Variants in IVD observed in about 807,000 individuals in gnomAD.
IVD encodes isovaleryl-CoA dehydrogenase, mitochondrial.
In IVD, 31 loss-of-function variants were observed where a neutral mutation model predicts 51.3. That is an observed-to-expected ratio of 0.60 (90% CI 0.45 to 0.81). The LOEUF (loss-of-function observed/expected upper bound fraction) is 0.81. Ranked by LOEUF, IVD falls within the 40% of genes least tolerant of loss-of-function variation. IVD has a pLI of 0.00. For missense variants in IVD, 475 were observed against 552.0 expected, an observed-to-expected ratio of 0.86 and a Z score of 1.40; for synonymous variants, 205 against 219.4, an observed-to-expected ratio of 0.93 and a Z score of 0.58.
At chr15:40,434,582 TGAG>T (rs1275996060) in intron 8 of IVD, among the ~76,000 whole-genome samples, 3 of 152,020 alleles carry the variant, frequency 2.0e-5, no homozygotes, top group Admixed American at 2.0e-4. Context: ...CAGGAATGTG[TGAG>T]GAGGAGACAA....
In IVD at chr15:40,418,312, G is replaced by A; in HGVS notation, c.*49G>A. On this transcript the variant is annotated 3_prime_UTR_variant, in exon 12 of 12. Transcript: ENST00000487418. The stretch of plus-strand genomic sequence containing the variant: ...TCCTGCACCTAGTGGCCTTTCTTGG[G>A]AAGTAGAGATGTGGCGGCTTTCCCA... 6.2e-7 allele frequency: 1 copy of A among 1,611,542 alleles called. No individual in the cohort carries two copies. The highest frequency in any genetic ancestry group is 1.8e-4 in the Middle Eastern group (1 of 5,676).
At chr15:40,409,669 T>C (rs959780152) in intron 3 of IVD, among the ~76,000 whole-genome samples, 2 of 152,082 alleles carry the variant, frequency 1.3e-5, no homozygotes, top group African/African-American at 4.8e-5. Flanking sequence ...GTATCAGGTG[T>C]CTCAGCCACT....
chr15:40,424,375 TG>T, downstream of IVD: 1 of 322,354 alleles, frequency 3.1e-6, no homozygotes, highest in Non-Finnish European at 5.8e-6. Context: ...GGGGCAGCTC[TG>T]GAAGTCCTTC....
rs779445174 is a variant in IVD at position 40,410,614 on chromosome 15, C to T, written c.287-14C>T. On this transcript the variant is annotated splice_polypyrimidine_tract_variant and intron_variant, in intron 3 of 11. Coordinates refer to ENST00000487418, the MANE Select transcript of IVD (RefSeq NM_002225.5). ...GGCTGCGTTTTCCACTCCCTTGTAC[C>T]ACACCACTCACAGTTCAGTATGGCG... The T allele has an allele frequency of 6.2e-7, 1 of 1,614,112 alleles. No individual in the cohort carries two copies. Among genetic ancestry groups the T allele is most frequent in the African/African-American group, 1.3e-5 (1 of 75,044 alleles).
chr15:40,423,493 G>A (rs192553247), downstream of IVD, among the ~76,000 whole-genome samples: 12 of 152,194 alleles, frequency 7.9e-5, no homozygotes, highest in African/African-American at 2.9e-4. Flanking sequence ...GGAATCTTGC[G>A]CTCTCTCGCC....
At position 40,412,896 on chromosome 15, in the gene IVD, T is replaced by C. The variant is rs1441086343; in HGVS notation, c.688-95T>C. On this transcript the variant is annotated intron_variant, in intron 6 of 11. Transcript: ENST00000487418. ...ATGCTGTGCAGGTACAGGGACTCAA[T>C]AGGAAGGTGAGTGCCTTCTTCCCAG... 42 of 925,000 alleles carry C rather than the reference T, an allele frequency of 4.5e-5. No homozygotes were observed. In the South Asian group the frequency reaches 5.5e-4, roughly 12 times the overall value. 57.3% of individuals were successfully genotyped at this position (925,000 alleles called of 1,614,324 possible). A position where few individuals can be genotyped will look rare whatever the true frequency, so the allele number is the denominator to read the frequency against.
chr15:40,424,104 A>C (rs1454397223), downstream of IVD: 8 of 1,242,154 alleles, frequency 6.4e-6, no homozygotes, highest in Admixed American at 1.9e-4. Context: ...CTGGATCTTA[A>C]CATCCTGCCA....
rs748577522 is a variant in IVD, at chr15:40,411,243, G to C, written c.457-17G>C. 1 of 1,613,056 alleles carries C rather than the reference G, an allele frequency of 6.2e-7. No homozygotes were observed. Among genetic ancestry groups the C allele is most frequent in the Non-Finnish European group, 8.5e-7 (1 of 1,179,026 alleles). ...CTCTGAGGTTGTAACAAGGCCTGTT[G>C]GGGGTTTTCCTTGCAGCTGATCAGT... On this transcript the variant is annotated splice_polypyrimidine_tract_variant and intron_variant, in intron 4 of 11. Coordinates refer to ENST00000487418, the MANE Select transcript of IVD (RefSeq NM_002225.5).
In IVD at chr15:40,411,362, A is replaced by G. The variant is rs1257442086; in HGVS notation, c.550+9A>G. The G allele has an allele frequency of 6.2e-7, 1 of 1,613,962 alleles. No homozygotes were observed. Among genetic ancestry groups the G allele is most frequent in the Admixed American group, 1.7e-5 (1 of 60,024 alleles). On this transcript the variant is annotated intron_variant, in intron 5 of 11. Transcript: ENST00000487418. The stretch of plus-strand genomic sequence containing the variant: ...CAAAGCGGAAAAGAAAGGTGAGGCC[A>G]CTCTCAACTTGGGAGCCAAAATGGG...
Position 40,420,535 on chromosome 15 carries a change from T to TC in IVD, c.*2274dup. 1.2e-5 allele frequency: 12 copies of TC among 987,590 alleles called. No individual in the cohort carries two copies. The highest frequency in any genetic ancestry group is 1.4e-5 in the Non-Finnish European group (12 of 830,120). The allele number at this position is 987,590 out of a possible 1,614,324, so 61.2% of individuals were successfully genotyped here. ...GGAGAGTGGCTGGCCCAGGTCCTAT[T>TC]CCTGTCCTCCAGCCCGTTCTTTCAT... On this transcript the variant is annotated 3_prime_UTR_variant, in exon 12 of 12. Coordinates refer to ENST00000487418, the MANE Select transcript of IVD (RefSeq NM_002225.5).
chr15:40,407,613 T>C (rs1182654271), intron 1 of IVD, 23 bp from the exon 2 acceptor site: 3 of 1,580,260 alleles, frequency 1.9e-6, no homozygotes, highest in African/African-American at 2.7e-5. Context: ...TGCAGTGGCA[T>C]CTGTTTACCT....
intron 7 of IVD, among the ~76,000 whole-genome samples, chr15:40,432,417 T>C (rs551108340): frequency 1.1e-4 from 16 of 152,344 alleles, no homozygotes; most frequent in Admixed American, 5.2e-4. Flanking sequence ...CCAAGTCTTC[T>C]TGGTGCCTGC....
At chr15:40,432,348 C>T (rs1036663541) in intron 7 of IVD, among the ~76,000 whole-genome samples, 4 of 152,230 alleles carry the variant, frequency 2.6e-5, no homozygotes, top group African/African-American at 2.4e-5. Flanking sequence ...CTGAGGATCA[C>T]GCCTCTGCTG....
chr15:40,432,924 C>T (rs1411267703), intron 7 of IVD, among the ~76,000 whole-genome samples: 1 of 152,236 alleles, frequency 6.6e-6, no homozygotes, highest in African/African-American at 2.4e-5. Context: ...AGGTGGAAGA[C>T]TGATTCCAGT....
In IVD at chr15:40,407,640, G is replaced by T. The variant is rs2229311; in HGVS notation, c.149G>T (p.Arg50Leu). Residue 50 changes from arginine (R) to leucine (L), a missense_variant, in exon 2 of 12, where the codon CGT becomes CTT. Physicochemically the swap from Arg to Leu is moderately radical, Grantham distance 102. Transcript: ENST00000487418. ...TGTTTACCTCTCTCCTATTAGCTTC[G>T]TCAGACCATGGCTAAGTTCCTTCAG... is the stretch of plus-strand genomic sequence containing the variant. ...NGLSEEQRQL[R>L]QTMAKFLQEH... The T allele has an allele frequency of 1.2e-6, 2 of 1,613,942 alleles. No homozygotes were observed. Among genetic ancestry groups the T allele is most frequent in the East Asian group, 2.2e-5 (1 of 44,884 alleles).
At chr15:40,434,046 C>G in intron 8 of IVD, 1 of 375,824 alleles carries the variant, frequency 2.7e-6, no homozygotes, top group South Asian at 2.0e-5. Flanking sequence ...AAGGATCACA[C>G]ACCTGAAAAC....
downstream of IVD, among the ~76,000 whole-genome samples, chr15:40,422,585 C>CTTTTTTTTTTTTTTTTTTTTTTTTT (rs1157351420): frequency 7.2e-5 from 5 of 69,152 alleles, no homozygotes; most frequent in Middle Eastern, 0.01. Flanking sequence ...GCCCGGCCGA[C>CTTTTTTTTTTTTTTTTTTTTTTTTT]TTTTTTTTTT....
chr15:40,416,083 G>T lies in IVD; in HGVS notation c.966G>T (p.Met322Ile). The part of the protein sequence containing the change: ...FGQKIGHFQL[M>I]QGKMADMYTR... ...TGACATCCCTTTGTGCCCAGTTGAT[G>T]CAGGGGAAGATGGCTGACATGTACA... The change falls in exon 10 of 12, where the codon ATG becomes ATT. Residue 322 changes from methionine (M) to isoleucine (I), a missense_variant. Met to Ile is a conservative substitution (Grantham distance 10). Transcript: ENST00000487418. The T allele has an allele frequency of 6.2e-7, 1 of 1,614,240 alleles. No individual in the cohort carries two copies.
At chr15:40,433,859 G>A in exon 8 of IVD, 2 of 456,688 alleles carry the variant, frequency 4.4e-6, no homozygotes, top group Non-Finnish European at 8.8e-6. Flanking sequence ...TCCAGCCTGG[G>A]TCCATGGATC....
Sources: gnomAD v4.1 joint callset for allele counts (sites outside exome capture counted in the v4.1 genomes callset) on GRCh38, gnomAD v4.1.1 for gene constraint, MANE v1.5 for transcripts, NCBI Gene and HGNC (gene_info 2026-07-23, HGNC 2026-07-21) for gene names.